The following NTRK2 variants were observed in gnomAD, a reference collection of about 807,000 sequenced individuals.
NTRK2 encodes the protein BDNF/NT-3 growth factors receptor.
A neutral mutation model predicts 94.5 loss-of-function variants in NTRK2; 13 were observed. The observed-to-expected ratio is 0.14, with a 90% CI of 0.09 to 0.22. The LOEUF is 0.22. Among genes scored for constraint, NTRK2 ranks in the 10% least tolerant of loss-of-function variants. NTRK2 has a pLI of 1.00. For synonymous variants in NTRK2, 372 were observed against 407.4 expected (o/e 0.91, Z 1.05); for missense variants, 639 against 1,071.2 (o/e 0.60, Z 5.63).
At chr9:84,682,004 G>A (rs965006044) in intron 2 of NTRK2, among the ~76,000 whole-genome samples, 4 of 152,142 alleles carry the variant, frequency 2.6e-5, no homozygotes, top group Admixed American at 6.5e-5. Flanking sequence ...TAGAGCAAGG[G>A]CATTTAATTT....
At chr9:84,933,500 T>A (rs2132710118) in intron 14 of NTRK2, among the ~76,000 whole-genome samples, 1 of 152,336 alleles carries the variant, frequency 6.6e-6, no homozygotes, top group East Asian at 1.9e-4. Context: ...CTTTTGTCTC[T>A]TCTTGGCCTT....
chr9:84,812,324 T>C lies in NTRK2; in HGVS notation c.1397-48716T>C, dbSNP rs2071897758. ...TCACAGAATCCTATGGATTGCAGCA[T>C]TTCACTTGGCTACTTCATACCCATG... On this transcript the variant is annotated intron_variant, in intron 12 of 18. Coordinates refer to ENST00000277120, the MANE Select transcript of NTRK2 (RefSeq NM_006180.6). The C allele has an allele frequency of 8.5e-6, 9 of 1,058,260 alleles. No individual in the cohort carries two copies. In the East Asian group the frequency reaches 4.7e-4, roughly 55 times the overall value. The allele number at this position is 1,058,260 out of a possible 1,614,324, so 65.6% of individuals were successfully genotyped here. A position where few individuals can be genotyped will look rare whatever the true frequency, so the allele number is the denominator to read the frequency against.
At chr9:84,812,771 A>T (rs201387610) in intron 12 of NTRK2, 6 of 1,030,276 alleles carry the variant, frequency 5.8e-6, no homozygotes, top group Admixed American at 5.7e-5. Context: ...AAGGAAAAAT[A>T]AAAAAAAAGG....
At position 84,682,311 on chromosome 9, in the gene NTRK2, T is replaced by G. The variant is rs78477103; in HGVS notation, c.212+11351T>G. On this transcript the variant is annotated intron_variant, in intron 2 of 18. Coordinates refer to ENST00000277120, the MANE Select transcript of NTRK2 (RefSeq NM_006180.6). ...TCTCTGAAATGCATTAACTTTATTG[T>G]ATGGAATTTAGCTGGTAATTATATT... is the stretch of plus-strand genomic sequence containing the variant. Among the ~76,000 whole-genome samples, 507 of 152,324 alleles carry G rather than the reference T, an allele frequency of 3.3e-3. 18 individuals carry two copies. In the East Asian group the frequency reaches 0.073, roughly 22 times the overall value.
At chr9:84,978,298 C>T (rs758784618) in intron 17 of NTRK2, among the ~76,000 whole-genome samples, 1 of 152,218 alleles carries the variant, frequency 6.6e-6, no homozygotes, top group Non-Finnish European at 1.5e-5. Context: ...TAAAGTGCTG[C>T]TCCAGTGAAC....
chr9:84,715,963 G>A (rs921394548), intron 6 of NTRK2, among the ~76,000 whole-genome samples: 1 of 152,120 alleles, frequency 6.6e-6, no homozygotes, highest in African/African-American at 2.4e-5. Context: ...TCTTCAGCAA[G>A]TGTTAATAGT....
At chr9:84,695,139 G>A (rs1010718352) in intron 2 of NTRK2, among the ~76,000 whole-genome samples, 2 of 151,886 alleles carry the variant, frequency 1.3e-5, no homozygotes, top group African/African-American at 4.8e-5. Flanking sequence ...CTATAAGGAG[G>A]GAGGATGGGG....
chr9:84,985,317 T>C (rs923313330), intron 17 of NTRK2, among the ~76,000 whole-genome samples: 2 of 152,212 alleles, frequency 1.3e-5, no homozygotes, highest in African/African-American at 4.8e-5. Context: ...TTGATGTGAC[T>C]AACATTTATT....
Position 84,704,225 on chromosome 9 carries a change from C to CTTTTTTTTTTTTTT in NTRK2, c.359+1814_359+1827dup. The stretch of plus-strand genomic sequence containing the variant: ...ATATGACGGTGATTTTGGTGGTATT[C>CTTTTTTTTTTTTTT]TTTTTTTTTTTTTTTTTTTTTGAGA... On this transcript the variant is annotated intron_variant, in intron 4 of 18. Transcript: ENST00000277120. Among the ~76,000 whole-genome samples, 2 of 93,708 alleles carry CTTTTTTTTTTTTTT rather than the reference C, an allele frequency of 2.1e-5. 1 individual carries two copies. The highest frequency in any genetic ancestry group is 3.9e-5 in the Non-Finnish European group (2 of 50,756). 61.5% of individuals were successfully genotyped at this position (93,708 alleles called of 152,430 possible).
intron 12 of NTRK2, among the ~76,000 whole-genome samples, chr9:84,806,539 T>G (rs2071134957): frequency 6.6e-6 from 1 of 152,234 alleles, no homozygotes; most frequent in South Asian, 2.1e-4. Flanking sequence ...GTGCAGATGA[T>G]ACCTTTGCCA....
intron 12 of NTRK2, among the ~76,000 whole-genome samples, chr9:84,798,708 A>G (rs1383092505): frequency 1.3e-5 from 2 of 152,058 alleles, no homozygotes; most frequent in Non-Finnish European, 2.9e-5. Context: ...TTTATTTACA[A>G]TCTCAACCTG....
rs1334279271 is a variant in NTRK2 at position 84,670,578 on chromosome 9, C to G, written c.-171C>G. ...GTGAACCCTGCCGCCTGCCGGAACA[C>G]TCTTCGCTCCGGACCAGCTCAGCCT... is the stretch of plus-strand genomic sequence containing the variant. On this transcript the variant is annotated 5_prime_UTR_variant, in exon 2 of 19. Coordinates refer to ENST00000277120, the MANE Select transcript of NTRK2 (RefSeq NM_006180.6). 1.4e-6 allele frequency: 1 copy of G among 694,980 alleles called. No homozygotes were observed. The highest frequency in any genetic ancestry group is 2.6e-5 in the East Asian group (1 of 38,596). The allele number at this position is 694,980 out of a possible 1,614,324, so 43.1% of individuals were successfully genotyped here.
At chr9:84,752,151 TA>T in intron 12 of NTRK2, 66 bp downstream of exon 12, 1 of 1,219,466 alleles carries the variant, frequency 8.2e-7, no homozygotes, top group Non-Finnish European at 1.2e-6. Context: ...TAATGCTAAT[TA>T]CCACTAAAGA....
At chr9:84,848,081 GA>G (rs2074560153) in intron 12 of NTRK2, among the ~76,000 whole-genome samples, 2 of 3,262 alleles carry the variant, frequency 6.1e-4, no homozygotes, top group Non-Finnish European at 1.3e-3. Context: ...GAGAGGGGCA[GA>G]GAGAGAGAGA....
At chr9:84,898,707 C>T (rs1209341064) in intron 14 of NTRK2, among the ~76,000 whole-genome samples, 2 of 151,512 alleles carry the variant, frequency 1.3e-5, no homozygotes, top group Non-Finnish European at 2.9e-5. Context: ...GACAGAGTCT[C>T]GCTCTTTTTT....
intron 14 of NTRK2, chr9:84,878,037 C>A (rs2076134911): frequency 2.9e-6 from 2 of 692,904 alleles, no homozygotes; most frequent in African/African-American, 3.9e-5. Flanking sequence ...CCCAGTTGCC[C>A]CCACATAGCC....
chr9:84,747,925 A>G (rs1489125778), intron 11 of NTRK2, among the ~76,000 whole-genome samples: 6 of 152,224 alleles, frequency 3.9e-5, no homozygotes, highest in Non-Finnish European at 8.8e-5. Flanking sequence ...TGAGAGGTGC[A>G]ATATTGTGTT....
At chr9:84,870,126 T>TATACAC (rs774255186) in intron 14 of NTRK2, among the ~76,000 whole-genome samples, 4 of 95,652 alleles carry the variant, frequency 4.2e-5, no homozygotes, top group African/African-American at 1.7e-4. Flanking sequence ...TATATATATA[T>TATACAC]ACACACACAC....
At chr9:84,733,283 G>A (rs2063019880) in intron 9 of NTRK2, among the ~76,000 whole-genome samples, 1 of 152,230 alleles carries the variant, frequency 6.6e-6, no homozygotes, top group South Asian at 2.1e-4. Context: ...AGGTGAATCA[G>A]ACATTTCCAA....
Sources: allele counts gnomAD v4.1 joint callset (sites outside exome capture counted in the v4.1 genomes callset), GRCh38; gene constraint gnomAD v4.1.1; transcripts MANE v1.5; gene names NCBI Gene and HGNC (gene_info 2026-07-23, HGNC 2026-07-21).